The following LIMS2 variants were observed in gnomAD, a reference collection of about 807,000 sequenced individuals.
LIMS2 encodes LIM and senescent cell antigen-like-containing domain protein 2.
LIMS2 carries 30 observed loss-of-function variants against 45.3 expected under a neutral mutation model. The observed-to-expected ratio is 0.66, with a 90% CI of 0.50 to 0.90. LIMS2 has a LOEUF of 0.90. Among genes scored for constraint, LIMS2 ranks in the 40% least tolerant of loss-of-function variants. LIMS2 has a pLI of 0.00. For synonymous variants in LIMS2, 173 were observed against 188.0 expected, an observed-to-expected ratio of 0.92 and a Z score of 0.65; for missense variants, 485 against 468.7, an observed-to-expected ratio of 1.03 and a Z score of -0.32.
Position 127,639,218 on chromosome 2 carries a change from C to T in LIMS2, c.*63G>A, listed in dbSNP as rs1682135036. ...CACAGGTGGATGGGGACGAGGGGGCCAAGCATGGACAGCAGGAGGGGAGAA... is the reference window on the plus strand; with the variant it reads ...CACAGGTGGATGGGGACGAGGGGGCTAAGCATGGACAGCAGGAGGGGAGAA... On this transcript the variant is annotated 3_prime_UTR_variant, in exon 10 of 10. Transcript: ENST00000355119. 8 of 1,573,736 alleles carry T rather than the reference C, an allele frequency of 5.1e-6. No homozygotes were observed. In the South Asian group the frequency reaches 8.0e-5, roughly 16 times the overall value.
At chr2:127,662,972 G>A (rs895287917) in intron 1 of LIMS2, among the ~76,000 whole-genome samples, 1 of 152,240 alleles carries the variant, frequency 6.6e-6, no homozygotes, top group Middle Eastern at 3.4e-3. Context: ...AGGTACAACT[G>A]AAACATGTTA....
chr2:127,647,619 C>G lies in LIMS2; in HGVS notation c.360-4547G>C, dbSNP rs1683137788. The stretch of plus-strand genomic sequence containing the variant: ...ACCCACCTTGGCCCCTTCCCACCCC[C>G]AGGTTCTAACAAGGGCCCCTCACTC... On this transcript the variant is annotated intron_variant, in intron 4 of 9. Transcript: ENST00000355119. The surrounding 1 kb of genome is among the most constrained non-coding windows in gnomAD (Gnocchi z 4.3). 1.3e-5 allele frequency among the ~76,000 whole-genome samples: 2 copies of G among 152,060 alleles called. No homozygotes were observed. Among genetic ancestry groups the G allele is most frequent in the South Asian group, 4.1e-4 (2 of 4,822 alleles).
At chr2:127,641,011 G>A (rs746891095) in intron 6 of LIMS2, 23 bp from the exon 7 acceptor site, 38 of 1,606,004 alleles carry the variant, frequency 2.4e-5, no homozygotes, top group African/African-American at 6.7e-5. Flanking sequence ...AGGGCGGGCC[G>A]GGTGGCATCA....
rs544980224 is a variant in LIMS2 at position 127,653,931 on chromosome 2, G to A, written c.359+493C>T. Among the ~76,000 whole-genome samples the A allele has an allele frequency of 5.3e-5, 8 of 152,184 alleles. No homozygotes were observed. The East Asian group carries it at 7.7e-4, about 15-fold the overall frequency. On this transcript the variant is annotated intron_variant, in intron 4 of 9. Transcript: ENST00000355119. The surrounding 1 kb of genome is among the most constrained non-coding windows in gnomAD (Gnocchi z 5.3). ...CTCACAGACAGAGGCCGGGCTGCAC[G>A]GGATCTCAGAGCTAGGGCCAGGGGA...
chr2:127,649,167 G>GGAAGGAAGGAAGGAAA (rs879387996), intron 4 of LIMS2, among the ~76,000 whole-genome samples: 3,481 of 86,684 alleles, frequency 0.04, 92 homozygotes, highest in African/African-American at 0.11. Flanking sequence ...GAGGAAGGTA[G>GGAAGGAAGGAAGGAAA]GAAGGAAGGA....
intron 4 of LIMS2, chr2:127,650,170 A>T: frequency 8.4e-7 from 1 of 1,190,206 alleles, no homozygotes; most frequent in Non-Finnish European, 1.2e-6. Context: ...AGCCATGGTC[A>T]GGGGAAGCAG....
At chr2:127,640,519 C>T (rs1449385698) in intron 7 of LIMS2, 11 of 629,090 alleles carry the variant, frequency 1.7e-5, no homozygotes, top group East Asian at 5.5e-5. Flanking sequence ...CAGGCTGGGG[C>T]GTTGCTCCCC....
intron 2 of LIMS2, 82 bp from the exon 3 acceptor site, chr2:127,654,978 T>G (rs749770656): frequency 3.8e-6 from 5 of 1,308,130 alleles, no homozygotes; most frequent in Non-Finnish European, 5.4e-6. Context: ...GGTCAGGACC[T>G]GACAGCAGGG....
intron 9 of LIMS2, 101 bp downstream of exon 9, chr2:127,639,969 C>A: frequency 7.8e-7 from 1 of 1,286,642 alleles, no homozygotes; most frequent in South Asian, 1.2e-5. Flanking sequence ...CCACCATATC[C>A]CCAGGCCAGA....
chr2:127,663,936 C>G (rs1328188464), intron 1 of LIMS2, among the ~76,000 whole-genome samples: 1 of 152,166 alleles, frequency 6.6e-6, no homozygotes, highest in African/African-American at 2.4e-5. Flanking sequence ...GGGTTCAAAT[C>G]ACAGCATAGC....
Position 127,642,620 on chromosome 2 carries a change from C to T in LIMS2, c.509+303G>A. 2.3e-6 allele frequency: 1 copy of T among 431,692 alleles called. No homozygotes were observed. The highest frequency in any genetic ancestry group is 3.3e-5 in the South Asian group (1 of 29,992). The allele number at this position is 431,692 out of a possible 1,614,324, so 26.7% of individuals were successfully genotyped here. ...CACTCCCGGTCTCTTGCCCTGCCCC[C>T]TCAGGTCCCTTCCACTGCTCCATCT... On this transcript the variant is annotated intron_variant, in intron 5 of 9. Transcript: ENST00000355119. The surrounding 1 kb of genome is among the most constrained non-coding windows in gnomAD (Gnocchi z 5.3).
intron 1 of LIMS2, among the ~76,000 whole-genome samples, chr2:127,658,493 G>A (rs1381241733): frequency 6.6e-6 from 1 of 152,246 alleles, no homozygotes; most frequent in East Asian, 1.9e-4. Flanking sequence ...TGTCCCCAGA[G>A]TCAGTGGTGG....
Position 127,639,322 on chromosome 2 carries a change from G to C in LIMS2, c.985C>G (p.Arg329Gly), listed in dbSNP as rs528266998. The change falls in exon 10 of 10, where the codon CGC becomes GGC. Residue 329 changes from arginine to glycine, a missense_variant. Transcript: ENST00000355119. ...RLKKLSELTSRKAQPKATDLN... is the reference protein window; with the variant it reads ...RLKKLSELTSGKAQPKATDLN... The stretch of plus-strand genomic sequence containing the variant: ...TCTGTGGCCTTGGGCTGGGCCTTGC[G>C]GGAGGTCAGCTCCGACAGCTTCTTC... 6.2e-7 allele frequency: 1 copy of C among 1,613,894 alleles called. No individual in the cohort carries two copies. The highest frequency in any genetic ancestry group is 1.7e-5 in the Admixed American group (1 of 60,004).
At chr2:127,640,806 G>T in intron 7 of LIMS2, 90 bp downstream of exon 7, 7 of 1,194,574 alleles carry the variant, frequency 5.9e-6, no homozygotes, top group Non-Finnish European at 8.7e-6. Context: ...CAGAGCTCCT[G>T]AGGGGGTGCC....
intron 4 of LIMS2, among the ~76,000 whole-genome samples, chr2:127,649,042 AAAGAG>A (rs1683356200): frequency 9.0e-6 from 1 of 111,254 alleles, no homozygotes; most frequent in Non-Finnish European, 2.1e-5. Flanking sequence ...AAAAAGAAAG[AAAGAG>A]AAAAGAAGAA....
At chr2:127,657,032 C>T (rs1430389449) in intron 2 of LIMS2, among the ~76,000 whole-genome samples, 1 of 152,246 alleles carries the variant, frequency 6.6e-6, no homozygotes, top group African/African-American at 2.4e-5. Flanking sequence ...CCACCGCACC[C>T]CACCCCGGGA....
chr2:127,660,315 A>G (rs940951265), intron 1 of LIMS2, among the ~76,000 whole-genome samples: 1 of 152,184 alleles, frequency 6.6e-6, no homozygotes, highest in Non-Finnish European at 1.5e-5. Context: ...AGCAGCAACC[A>G]GTTGGGGTTC....
Position 127,671,256 on chromosome 2 carries a change from C to T in LIMS2, c.11+3758G>A, listed in dbSNP as rs1023191083. 6.6e-6 allele frequency among the ~76,000 whole-genome samples: 1 copy of T among 152,080 alleles called. No homozygotes were observed. Among genetic ancestry groups the T allele is most frequent in the East Asian group, 1.9e-4 (1 of 5,184 alleles). ...ACCACCATGGCCAACACGGTAAAAC[C>T]CCATCTCCAATAAAAATACAAAAAA... is the stretch of plus-strand genomic sequence containing the variant. On this transcript the variant is annotated intron_variant, in intron 1 of 9. Transcript: ENST00000355119. The surrounding 1 kb of genome is among the most constrained non-coding windows in gnomAD (Gnocchi z 4.1).
intron 1 of LIMS2, among the ~76,000 whole-genome samples, chr2:127,660,769 G>C (rs1221268417): frequency 2.0e-5 from 3 of 152,226 alleles, no homozygotes; most frequent in East Asian, 1.9e-4. Flanking sequence ...CCTGACAGCA[G>C]CCTGGCCACA....
Sources: allele counts gnomAD v4.1 joint callset (sites outside exome capture counted in the v4.1 genomes callset), GRCh38; gene constraint gnomAD v4.1.1; non-coding constraint Gnocchi (gnomAD v3.1); transcripts MANE v1.5; gene names NCBI Gene and HGNC (gene_info 2026-07-23, HGNC 2026-07-21).